Variants in CACNA1E observed in about 807,000 individuals in gnomAD.
CACNA1E encodes voltage-dependent R-type calcium channel subunit alpha-1E.
CACNA1E carries 40 observed loss-of-function variants against 259.2 expected under a neutral mutation model. That is an observed-to-expected ratio of 0.15 (90% confidence interval 0.12 to 0.20). The LOEUF is 0.20. Among genes scored for constraint, CACNA1E ranks in the 10% least tolerant of loss-of-function variants. CACNA1E has a pLI of 1.00. For synonymous variants in CACNA1E, 1,104 were observed against 1,138.5 expected (o/e 0.97, Z 0.61); for missense variants, 1,874 against 3,040.1 (o/e 0.62, Z 9.02).
rs1662430292 is a variant in CACNA1E, at chr1:181,803,588, G to C, written c.*4754G>C. ...GCTTCTCTGCTGTCTGTGGAGGGAG[G>C]GCTCGGCTGCAGACCTATGGTGTTT... is the stretch of plus-strand genomic sequence containing the variant. On this transcript the variant is annotated 3_prime_UTR_variant, in exon 48 of 48. Transcript: ENST00000367573. 6.6e-6 allele frequency: 1 copy of C among 152,186 alleles called. No individual in the cohort carries two copies. Among genetic ancestry groups the C allele is most frequent in the African/African-American group, 2.4e-5 (1 of 41,418 alleles). The allele number at this position is 152,186 out of a possible 1,614,324, so 9.4% of individuals were successfully genotyped here.
chr1:181,738,798 A>T (rs1656298237), intron 24 of CACNA1E, among the ~76,000 whole-genome samples: 1 of 152,190 alleles, frequency 6.6e-6, no homozygotes, highest in Non-Finnish European at 1.5e-5. Context: ...CCCAGCCACC[A>T]CAACACTCCA....
chr1:181,362,602 CTG>C (rs1246207434), intron 1 of CACNA1E, among the ~76,000 whole-genome samples: 2 of 152,196 alleles, frequency 1.3e-5, no homozygotes, highest in Non-Finnish European at 2.9e-5. Flanking sequence ...ACTGTGAGCT[CTG>C]TAAAATGCTG....
chr1:181,373,466 G>A (rs1390064575), intron 1 of CACNA1E, among the ~76,000 whole-genome samples: 2 of 151,752 alleles, frequency 1.3e-5, no homozygotes, highest in Non-Finnish European at 2.9e-5. Flanking sequence ...TATTGCTGTG[G>A]GGTTGATGGT....
intron 1 of CACNA1E, among the ~76,000 whole-genome samples, chr1:181,336,134 A>G (rs959321370): frequency 6.6e-6 from 1 of 152,190 alleles, no homozygotes; most frequent in Non-Finnish European, 1.5e-5. Flanking sequence ...ATTTGCTCGT[A>G]CAGTGAGGGC....
chr1:181,614,774 A>G (rs1655059057), intron 6 of CACNA1E, among the ~76,000 whole-genome samples: 1 of 152,262 alleles, frequency 6.6e-6, no homozygotes, highest in South Asian at 2.1e-4. Flanking sequence ...TTATGGTAGT[A>G]AATGATATAG....
chr1:181,693,616 G>C (rs1651420006), intron 7 of CACNA1E, among the ~76,000 whole-genome samples: 1 of 152,102 alleles, frequency 6.6e-6, no homozygotes, highest in Admixed American at 6.6e-5. Context: ...GGGCACTCAT[G>C]GACATAAAGA....
intron 3 of CACNA1E, among the ~76,000 whole-genome samples, chr1:181,537,981 T>C (rs1208617935): frequency 6.6e-6 from 1 of 152,210 alleles, no homozygotes; most frequent in Non-Finnish European, 1.5e-5. Context: ...AATAAATATA[T>C]ACTGAGTGAA....
rs182912020 is a variant in CACNA1E at position 181,729,619 on chromosome 1, C to T, written c.2241-1556C>T. 2.6e-5 allele frequency among the ~76,000 whole-genome samples: 4 copies of T among 152,316 alleles called. No individual in the cohort carries two copies. The East Asian group carries it at 7.7e-4, about 29-fold the overall frequency. ...AAGAATGCCACCTGCCCTTCCTATCCCACAAGGGCTATTGTGAGGCGTACA... is the reference window on the plus strand; with the variant it reads ...AAGAATGCCACCTGCCCTTCCTATCTCACAAGGGCTATTGTGAGGCGTACA... On this transcript the variant is annotated intron_variant, in intron 18 of 47. Transcript: ENST00000367573.
chr1:181,651,278 GTAAGCTT>G, intron 6 of CACNA1E, 53 bp from the exon 7 acceptor site: 2 of 1,110,490 alleles, frequency 1.8e-6, no homozygotes, highest in Non-Finnish European at 2.7e-6. Flanking sequence ...CTGCAAGAAT[GTAAGCTT>G]TACTTATGGA....
rs1663501156 is a variant in CACNA1E at position 181,483,618 on chromosome 1, A to G, written c.-127A>G. ...CTCCGAAGAGCTCGCGGAGCTCCCC[A>G]GAGGCGGTGGTCCCCGTGCTTGTCT... is the stretch of plus-strand genomic sequence containing the variant. On this transcript the variant is annotated 5_prime_UTR_variant, in exon 1 of 48. Transcript: ENST00000367573. The G allele has an allele frequency of 7.1e-6, 4 of 566,598 alleles. No homozygotes were observed. Among genetic ancestry groups the G allele is most frequent in the Non-Finnish European group, 1.2e-5 (4 of 335,874 alleles). 35.1% of individuals were successfully genotyped at this position (566,598 alleles called of 1,614,324 possible). A position where few individuals can be genotyped will look rare whatever the true frequency, so the allele number is the denominator to read the frequency against.
chr1:181,538,325 A>T (rs1324619410), intron 3 of CACNA1E, among the ~76,000 whole-genome samples: 1 of 152,226 alleles, frequency 6.6e-6, no homozygotes, highest in Non-Finnish European at 1.5e-5. Context: ...GGGAACTTAC[A>T]TTCTAATTTC....
At chr1:181,725,920 C>T (rs905383118) in intron 17 of CACNA1E, 145 bp from the exon 18 acceptor site, 1 of 576,548 alleles carries the variant, frequency 1.7e-6, no homozygotes, top group Middle Eastern at 4.9e-4. Flanking sequence ...CTGAGCCAAC[C>T]TAACATCTCG....
At chr1:181,772,840 A>G (rs1396686501) in intron 37 of CACNA1E, among the ~76,000 whole-genome samples, 1 of 152,192 alleles carries the variant, frequency 6.6e-6, no homozygotes, top group Admixed American at 6.5e-5. Context: ...GTAAATATTG[A>G]GTAGTATATG....
At chr1:181,326,976 A>G (rs7525299) in intron 1 of CACNA1E, among the ~76,000 whole-genome samples, 84,551 of 151,974 alleles carry the variant, frequency 0.56, 24,770 homozygotes, top group African/African-American at 0.72. Flanking sequence ...CTGATTCCTC[A>G]ATCCCTTTGG....
In CACNA1E at chr1:181,783,758, C is replaced by G; in HGVS notation, c.5444C>G (p.Thr1815Arg). 2 of 1,606,446 alleles carry G rather than the reference C, an allele frequency of 1.2e-6. No homozygotes were observed. The highest frequency in any genetic ancestry group is 1.7e-6 in the Non-Finnish European group (2 of 1,177,972). Reference sequence around the variant, plus strand: ...TCCACACTTATGGCTCTGATCCGGACAGCTCTGGACATTAAAATTGCCAAA... The same window carrying G: ...TCCACACTTATGGCTCTGATCCGGAGAGCTCTGGACATTAAAATTGCCAAA... The part of the protein sequence containing the change: ...FTSTLMALIR[T>R]ALDIKIAKGG... The change falls in exon 40 of 48, where the codon ACA becomes AGA. Residue 1815 changes from threonine to arginine, a missense_variant. By Grantham distance (71) the Thr-to-Arg change is moderately conservative (BLOSUM62 -1). This residue lies in a region of CACNA1E where 147 missense variants were observed against 337.1 expected (regional missense o/e 0.44). Coordinates refer to ENST00000367573, the MANE Select transcript of CACNA1E (RefSeq NM_001205293.3).
chr1:181,771,493 C>T, intron 36 of CACNA1E, 109 bp downstream of exon 36: 1 of 684,430 alleles, frequency 1.5e-6, no homozygotes, highest in Non-Finnish European at 2.7e-6. Context: ...ACTTCCTTTG[C>T]TCCTGTCAGT....
chr1:181,348,605 TG>T (rs147004822), intron 1 of CACNA1E, among the ~76,000 whole-genome samples: 5,046 of 152,130 alleles, frequency 0.033, 96 homozygotes, highest in Middle Eastern at 0.065. Context: ...ATGTGTTGGG[TG>T]GGTGTATTGT....
chr1:181,443,767 G>C (rs750446424), intron 2 of CACNA1E, among the ~76,000 whole-genome samples: 1 of 152,186 alleles, frequency 6.6e-6, no homozygotes, highest in South Asian at 2.1e-4. Context: ...TCCCAGGTCC[G>C]TCAAACTCCA....
intron 2 of CACNA1E, among the ~76,000 whole-genome samples, chr1:181,436,122 CA>C (rs1438798996): frequency 6.6e-6 from 1 of 152,160 alleles, no homozygotes; most frequent in Non-Finnish European, 1.5e-5. Flanking sequence ...AAAAGATGCT[CA>C]ACATCACTAA....
Sources: gnomAD v4.1 joint callset for allele counts (sites outside exome capture counted in the v4.1 genomes callset) on GRCh38, gnomAD v4.1.1 for gene constraint, gnomAD v4.1.1 regional missense constraint, MANE v1.5 for transcripts, NCBI Gene and HGNC (gene_info 2026-07-23, HGNC 2026-07-21) for gene names.